SMG1: variants seen among roughly 807,000 people sequenced by gnomAD.
The protein encoded by SMG1 is serine/threonine-protein kinase SMG1.
Under a neutral mutation model 419.9 loss-of-function variants are expected in SMG1, and 22 were observed. That is an observed-to-expected ratio of 0.05 (90% confidence interval 0.04 to 0.07). The LOEUF (loss-of-function observed/expected upper bound fraction) is 0.07. Ranked by LOEUF, SMG1 falls within the 10% of genes least tolerant of loss-of-function variation. The pLI is 1.00. For missense variants in SMG1, 3,185 were observed against 4,342.0 expected (o/e 0.73, Z 7.49); for synonymous variants, 1,538 against 1,553.5 (o/e 0.99, Z 0.23).
chr16:18,876,190 T>C lies in SMG1; in HGVS notation c.1824A>G (p.Lys608=). ...KNHVFNVDNA[K]FVVIFDLSAL... ...CACTGAGGTCAAATATAACTACAAATTTTGCATTGTCTACATTGAACACAT... is the reference window on the plus strand; with the variant it reads ...CACTGAGGTCAAATATAACTACAAACTTTGCATTGTCTACATTGAACACAT... Residue 608 remains lysine, a synonymous_variant, in exon 13 of 63, where the codon AAA becomes AAG. Coordinates refer to ENST00000446231, the MANE Select transcript of SMG1 (RefSeq NM_015092.5). 1 of 1,611,840 alleles carries C rather than the reference T, an allele frequency of 6.2e-7. No individual in the cohort carries two copies.
chr16:18,853,459 AAACTC>A, intron 31 of SMG1, 119 bp downstream of exon 31: 1 of 891,986 alleles, frequency 1.1e-6, no homozygotes, highest in Non-Finnish European at 1.6e-6. Context: ...ACAATAAAAT[AAACTC>A]AACTTCCACA....
chr16:18,830,196 T>C (rs746220859), intron 52 of SMG1, 23 bp downstream of exon 52: 180 of 1,612,574 alleles, frequency 1.1e-4, no homozygotes, highest in Non-Finnish European at 1.4e-4. Flanking sequence ...TTGCATTATT[T>C]TTAAATCCAA....
intron 1 of SMG1, among the ~76,000 whole-genome samples, chr16:18,924,378 C>T (rs2038310500): frequency 1.3e-5 from 2 of 152,202 alleles, no homozygotes; most frequent in Non-Finnish European, 2.9e-5. Context: ...TTTCCAAAAG[C>T]TGTAGGACTA....
At chr16:18,861,147 T>C (rs2035197368) in intron 25 of SMG1, 2 of 142,924 alleles carry the variant, frequency 1.4e-5, no homozygotes, top group Admixed American at 7.4e-5. Flanking sequence ...GCCAGTGAGC[T>C]CCCTGTGCAG....
At chr16:18,918,737 C>G (rs910398117) in intron 1 of SMG1, among the ~76,000 whole-genome samples, 1 of 152,094 alleles carries the variant, frequency 6.6e-6, no homozygotes, top group Non-Finnish European at 1.5e-5. Flanking sequence ...TTAGTAGAGA[C>G]GGGGTTTCAC....
chr16:18,845,633 G>A lies in SMG1; in HGVS notation c.6015C>T (p.Ile2005=), dbSNP rs1454137926. The A allele has an allele frequency of 5.0e-6, 8 of 1,610,318 alleles. No homozygotes were observed. The African/African-American group carries it at 5.3e-5, about 11-fold the overall frequency. ...TCAAAGCTGTGTGCTTCTCCCTCAT[G>A]ATTGCAATTTTCTCTTCTCTGACCA... The part of the protein sequence containing the change: ...NTLRKEEKIA[I]MREKHTALMK... The change falls in exon 39 of 63, where the codon ATC becomes ATT. Residue 2005 remains isoleucine, a synonymous_variant. Transcript: ENST00000446231.
chr16:18,862,577 C>A (rs915731182), intron 25 of SMG1, among the ~76,000 whole-genome samples: 3 of 152,266 alleles, frequency 2.0e-5, no homozygotes, highest in African/African-American at 7.2e-5. Flanking sequence ...GCTCCTACTC[C>A]AGTTAATAGC....
intron 29 of SMG1, chr16:18,857,397 C>T (rs1214500680): frequency 6.6e-6 from 1 of 152,172 alleles, no homozygotes; most frequent in Non-Finnish European, 1.5e-5. Context: ...GCGCATTTTA[C>T]GTGACAAAGA....
At chr16:18,883,689 C>T (rs192228561) in intron 9 of SMG1, among the ~76,000 whole-genome samples, 6 of 152,214 alleles carry the variant, frequency 3.9e-5, no homozygotes, top group Admixed American at 6.5e-5. Flanking sequence ...GAGGCCGATG[C>T]GGGTGGATCA....
At chr16:18,829,803 T>C (rs1262649167) in intron 53 of SMG1, 48 bp from the exon 54 acceptor site, 2 of 1,517,120 alleles carry the variant, frequency 1.3e-6, no homozygotes, top group Non-Finnish European at 1.8e-6. Flanking sequence ...AATCAGGTAA[T>C]ATGCTGCTTA....
At chr16:18,854,513 C>G in intron 30 of SMG1, 143 bp downstream of exon 30, 1 of 808,358 alleles carries the variant, frequency 1.2e-6, no homozygotes, top group Non-Finnish European at 1.9e-6. Context: ...TAATAAGCAA[C>G]TTATTATTCA....
At chr16:18,843,893 T>C (rs2052697594) in intron 39 of SMG1, among the ~76,000 whole-genome samples, 1 of 152,190 alleles carries the variant, frequency 6.6e-6, no homozygotes, top group Admixed American at 6.5e-5. Flanking sequence ...TTAATTTCTT[T>C]AGGTAATTCC....
At chr16:18,871,515 TA>T (rs761836445) in intron 15 of SMG1, 33 bp from the exon 16 acceptor site, 55 of 1,255,038 alleles carry the variant, frequency 4.4e-5, no homozygotes, top group South Asian at 1.3e-4. Flanking sequence ...GACTGTACAT[TA>T]AAAAAAACAA....
At chr16:18,899,398 GC>G (rs2037261097) in intron 1 of SMG1, among the ~76,000 whole-genome samples, 1 of 151,970 alleles carries the variant, frequency 6.6e-6, no homozygotes, top group African/African-American at 2.4e-5. Context: ...CTGGAATAGA[GC>G]CACTGTCTCA....
intron 55 of SMG1, among the ~76,000 whole-genome samples, chr16:18,820,805 T>C (rs1323083989): frequency 1.3e-5 from 2 of 152,194 alleles, no homozygotes; most frequent in Non-Finnish European, 2.9e-5. Flanking sequence ...CATCACAGAA[T>C]TATACTTGAT....
intron 36 of SMG1, 133 bp from the exon 37 acceptor site, chr16:18,848,166 C>T (rs754148864): frequency 2.1e-5 from 15 of 702,634 alleles, no homozygotes; most frequent in African/African-American, 3.6e-5. Context: ...AGGCATAGAA[C>T]TGATTAAAGA....
intron 1 of SMG1, among the ~76,000 whole-genome samples, chr16:18,899,696 G>A (rs948882199): frequency 1.3e-5 from 2 of 152,070 alleles, no homozygotes; most frequent in Admixed American, 6.6e-5. Flanking sequence ...AATAGAAACT[G>A]CAGATTTGAA....
At chr16:18,869,433 T>C (rs1203519545) in intron 19 of SMG1, 130 bp from the exon 20 acceptor site, 3 of 724,770 alleles carry the variant, frequency 4.1e-6, no homozygotes, top group South Asian at 1.8e-5. Context: ...ACCTATGAAA[T>C]TGAGAAGCAT....
At chr16:18,820,445 C>A (rs1352244071) in intron 55 of SMG1, among the ~76,000 whole-genome samples, 1 of 152,132 alleles carries the variant, frequency 6.6e-6, no homozygotes, top group Non-Finnish European at 1.5e-5. Context: ...CTCAAGCAAT[C>A]CACCCACCTC....
Sources: allele counts gnomAD v4.1 joint callset (sites outside exome capture counted in the v4.1 genomes callset), GRCh38; gene constraint gnomAD v4.1.1; transcripts MANE v1.5; gene names NCBI Gene and HGNC (gene_info 2026-07-23, HGNC 2026-07-21).